ELP4: variants seen among roughly 807,000 people sequenced by gnomAD.
ELP4 encodes elongator complex protein 4.
In ELP4, 51 loss-of-function variants were observed where a neutral mutation model predicts 48.9. The ratio of observed to expected loss-of-function variants is 1.04; its 90% CI spans 0.83 to 1.32. ELP4 has a LOEUF of 1.32. Among genes scored for constraint, ELP4 ranks in the 40% most tolerant of loss-of-function variants. The pLI, the probability that ELP4 is intolerant of heterozygous loss-of-function variation, is 0.00. For synonymous variants in ELP4, 210 were observed against 189.2 expected, an observed-to-expected ratio of 1.11 and a Z score of -0.90; for missense variants, 519 against 514.6, an observed-to-expected ratio of 1.01 and a Z score of -0.08.
intron 9 of ELP4, among the ~76,000 whole-genome samples, chr11:31,697,297 A>T (rs1030515603): frequency 6.6e-6 from 1 of 152,164 alleles, no homozygotes; most frequent in Admixed American, 6.6e-5. Flanking sequence ...TAGGATAATA[A>T]TAGCTCTAGT....
At chr11:31,776,056 T>A (rs1450433730) in intron 9 of ELP4, among the ~76,000 whole-genome samples, 2 of 141,414 alleles carry the variant, frequency 1.4e-5, no homozygotes, top group Non-Finnish European at 1.5e-5. Flanking sequence ...GAGGAGAAGA[T>A]GGGAGGGTGG....
chr11:31,650,715 C>T (rs1945302311), intron 9 of ELP4: 1 of 151,758 alleles, frequency 6.6e-6, no homozygotes, highest in African/African-American at 2.4e-5. Context: ...TTCTAAGACA[C>T]TACAACTTTT....
intron 3 of ELP4, among the ~76,000 whole-genome samples, chr11:31,542,625 T>C (rs1565043493): frequency 6.6e-6 from 1 of 152,186 alleles, no homozygotes; most frequent in South Asian, 2.1e-4. Flanking sequence ...TGGTCCTGTC[T>C]AATGAGGCTT....
intron 9 of ELP4, chr11:31,681,826 C>T (rs570393476): frequency 3.2e-5 from 7 of 221,606 alleles, no homozygotes; most frequent in Non-Finnish European, 4.7e-5. Context: ...ACGGCAACCT[C>T]GCCTCCTGGG....
At chr11:31,575,258 T>C (rs1293411481) in intron 3 of ELP4, among the ~76,000 whole-genome samples, 2 of 152,032 alleles carry the variant, frequency 1.3e-5, no homozygotes, top group Non-Finnish European at 2.9e-5. Context: ...TAAAAAGAAA[T>C]GAACAAAGCC....
chr11:31,713,588 G>T lies in ELP4; in HGVS notation c.1143+63367G>T, dbSNP rs562824701. Among the ~76,000 whole-genome samples the T allele has an allele frequency of 3.3e-5, 5 of 152,192 alleles. No homozygotes were observed. The South Asian group carries it at 1.0e-3, about 32-fold the overall frequency. ...GTTGGATAAGGCCATGACCCTTTGA[G>T]CATCATATTATTATATATTTATGCC... On this transcript the variant is annotated intron_variant, in intron 9 of 9. Transcript: ENST00000640961.
At chr11:31,685,792 A>G (rs993389026) in intron 9 of ELP4, among the ~76,000 whole-genome samples, 1 of 151,950 alleles carries the variant, frequency 6.6e-6, no homozygotes, top group Admixed American at 6.6e-5. Context: ...TTAGCTGGGC[A>G]TGGTGGCACA....
At chr11:31,716,452 G>C (rs559136328) in intron 9 of ELP4, among the ~76,000 whole-genome samples, 1 of 152,156 alleles carries the variant, frequency 6.6e-6, no homozygotes, top group African/African-American at 2.4e-5. Context: ...TGTAAAATGG[G>C]GATAAATATA....
At chr11:31,704,553 G>A (rs1232632224) in intron 9 of ELP4, among the ~76,000 whole-genome samples, 2 of 151,986 alleles carry the variant, frequency 1.3e-5, no homozygotes, top group Non-Finnish European at 2.9e-5. Context: ...GAGTTAATGG[G>A]TGCAGCACAC....
At chr11:31,553,699 T>A (rs1956885949) in intron 3 of ELP4, among the ~76,000 whole-genome samples, 1 of 148,732 alleles carries the variant, frequency 6.7e-6, no homozygotes, top group Non-Finnish European at 1.5e-5. Flanking sequence ...AGACAGTTTC[T>A]TACAATAAAT....
At chr11:31,539,893 C>A in intron 3 of ELP4, 110 bp downstream of exon 3, 2 of 792,182 alleles carry the variant, frequency 2.5e-6, no homozygotes, top group Non-Finnish European at 3.5e-6. Flanking sequence ...TATTTAAATG[C>A]ATTAACGGAA....
chr11:31,571,702 A>G (rs559575977), intron 3 of ELP4, among the ~76,000 whole-genome samples: 17 of 152,202 alleles, frequency 1.1e-4, no homozygotes, highest in Non-Finnish European at 2.4e-4. Context: ...TACAGAATGG[A>G]TGTTGTGTTA....
At chr11:31,582,265 G>T (rs1469680507) in intron 3 of ELP4, among the ~76,000 whole-genome samples, 1 of 152,062 alleles carries the variant, frequency 6.6e-6, no homozygotes, top group East Asian at 1.9e-4. Context: ...CATTTTCTAA[G>T]GTGCTTGGAA....
intron 9 of ELP4, among the ~76,000 whole-genome samples, chr11:31,742,900 A>G (rs369369320): frequency 6.6e-6 from 1 of 152,170 alleles, no homozygotes. Context: ...ACACATAACA[A>G]TATTAACTTT....
At chr11:31,729,248 G>A (rs998225613) in intron 9 of ELP4, among the ~76,000 whole-genome samples, 8 of 152,112 alleles carry the variant, frequency 5.3e-5, no homozygotes, top group Non-Finnish European at 1.0e-4. Flanking sequence ...TATAATGGAT[G>A]TACTAAACCA....
intron 3 of ELP4, among the ~76,000 whole-genome samples, chr11:31,582,194 A>G (rs1046166490): frequency 2.0e-5 from 3 of 152,202 alleles, no homozygotes; most frequent in African/African-American, 4.8e-5. Context: ...TTGTGTTTCA[A>G]TGTCTTCATC....
At chr11:31,712,873 A>T (rs1175516484) in intron 9 of ELP4, among the ~76,000 whole-genome samples, 1 of 152,196 alleles carries the variant, frequency 6.6e-6, no homozygotes, top group Non-Finnish European at 1.5e-5. Flanking sequence ...AATTGTCAGG[A>T]TGCCATATGA....
chr11:31,594,524 T>G (rs1160230393), intron 3 of ELP4, among the ~76,000 whole-genome samples: 1 of 152,134 alleles, frequency 6.6e-6, no homozygotes, highest in Non-Finnish European at 1.5e-5. Context: ...TTGATTTTTG[T>G]GAGTATAGAA....
At chr11:31,515,033 G>GTATATATATATA (rs10676705) in intron 1 of ELP4, among the ~76,000 whole-genome samples, 4 of 133,968 alleles carry the variant, frequency 3.0e-5, no homozygotes, top group Admixed American at 7.6e-5. Context: ...GTGTGTGTGT[G>GTATATATATATA]TATATATATA....
Sources: allele counts gnomAD v4.1 joint callset (sites outside exome capture counted in the v4.1 genomes callset), GRCh38; gene constraint gnomAD v4.1.1; transcripts MANE v1.5; gene names NCBI Gene and HGNC (gene_info 2026-07-23, HGNC 2026-07-21).